Variants in SYT1 observed in about 807,000 individuals in gnomAD.
SYT1 encodes synaptotagmin-1.
Under a neutral mutation model 44.8 loss-of-function variants are expected in SYT1, and 8 were observed. The observed-to-expected ratio is 0.18, with a 90% confidence interval of 0.10 to 0.32. The LOEUF (loss-of-function observed/expected upper bound fraction) is 0.32, where lower values mean the gene tolerates loss of function less well. Ranked by LOEUF, SYT1 falls within the 10% of genes least tolerant of loss-of-function variation. The probability of loss-of-function intolerance (pLI) is 1.00; values close to 1 mark genes in which losing one functional copy is unlikely to be tolerated. For missense variants in SYT1, 286 were observed against 509.3 expected (o/e 0.56, Z 4.22); for synonymous variants, 154 against 188.8 (o/e 0.82, Z 1.51).
At chr12:79,092,723 T>G (rs1033097038) in intron 3 of SYT1, among the ~76,000 whole-genome samples, 1 of 151,738 alleles carries the variant, frequency 6.6e-6, no homozygotes. Context: ...CAGAAAACTA[T>G]ATTCAATGGT....
At chr12:78,990,054 A>G (rs1356293023) in intron 2 of SYT1, among the ~76,000 whole-genome samples, 3 of 152,130 alleles carry the variant, frequency 2.0e-5, no homozygotes, top group Admixed American at 2.0e-4. Context: ...ATTCACAGGA[A>G]AGTAGAAGAA....
chr12:79,062,921 C>T (rs889074521), intron 3 of SYT1, among the ~76,000 whole-genome samples: 1 of 152,112 alleles, frequency 6.6e-6, no homozygotes, highest in African/African-American at 2.4e-5. Context: ...AAACCATTTA[C>T]AGATAAAGAA....
In SYT1 at chr12:79,193,378, A is replaced by T. The variant is rs559416973; in HGVS notation, c.-17-24125A>T. Reference sequence around the variant, plus strand: ...ACTTAGAACTTAAACCATTACAAGGATTAGGATAGTAAATAATTAAGTGGG... The same window carrying T: ...ACTTAGAACTTAAACCATTACAAGGTTTAGGATAGTAAATAATTAAGTGGG... On this transcript the variant is annotated intron_variant, in intron 3 of 10. Transcript: ENST00000261205. 7.2e-5 allele frequency among the ~76,000 whole-genome samples: 11 copies of T among 152,294 alleles called. No individual in the cohort carries two copies. The East Asian group carries it at 1.9e-3, about 27-fold the overall frequency.
At chr12:79,403,362 AGCCC>A (rs1281642684) in intron 9 of SYT1, among the ~76,000 whole-genome samples, 3 of 152,162 alleles carry the variant, frequency 2.0e-5, no homozygotes, top group Non-Finnish European at 4.4e-5. Context: ...TTTGCAGAGT[AGCCC>A]AGTAGACTGG....
intron 2 of SYT1, among the ~76,000 whole-genome samples, chr12:79,044,430 G>T (rs1443763444): frequency 1.3e-5 from 2 of 151,120 alleles, no homozygotes; most frequent in East Asian, 3.9e-4. Context: ...GGCTCCTGAG[G>T]CTTCTGCATT....
intron 3 of SYT1, among the ~76,000 whole-genome samples, chr12:79,163,035 A>C (rs1871043875): frequency 6.6e-6 from 1 of 152,124 alleles, no homozygotes; most frequent in Admixed American, 6.6e-5. Flanking sequence ...CCATAATTAG[A>C]ATATTACATT....
chr12:78,983,780 G>C (rs1869439915), intron 2 of SYT1, among the ~76,000 whole-genome samples: 2 of 152,030 alleles, frequency 1.3e-5, no homozygotes, highest in Admixed American at 1.3e-4. Flanking sequence ...TTACTGCTAA[G>C]AAGAATAGCA....
intron 3 of SYT1, among the ~76,000 whole-genome samples, chr12:79,200,301 C>T (rs1873705530): frequency 6.6e-6 from 1 of 152,096 alleles, no homozygotes; most frequent in African/African-American, 2.4e-5. Flanking sequence ...CCCCAGCTGG[C>T]CCTTGATAGT....
chr12:78,981,991 G>A (rs942778559), intron 2 of SYT1, among the ~76,000 whole-genome samples: 1 of 152,100 alleles, frequency 6.6e-6, no homozygotes, highest in Admixed American at 6.6e-5. Context: ...AAAAAAGGAG[G>A]TATCTGTCTT....
chr12:79,360,752 C>T (rs1420101453), intron 9 of SYT1, among the ~76,000 whole-genome samples: 5 of 152,136 alleles, frequency 3.3e-5, no homozygotes, highest in Admixed American at 3.3e-4. Context: ...TGGGATACTT[C>T]AAAATGCTTA....
At chr12:79,440,807 A>G (rs955488648) in intron 9 of SYT1, among the ~76,000 whole-genome samples, 1 of 152,154 alleles carries the variant, frequency 6.6e-6, no homozygotes, top group African/African-American at 2.4e-5. Context: ...TTAAAGCACA[A>G]ATGTGACTCA....
chr12:79,416,925 G>A (rs953051756), intron 9 of SYT1, among the ~76,000 whole-genome samples: 1 of 152,122 alleles, frequency 6.6e-6, no homozygotes, highest in Non-Finnish European at 1.5e-5. Context: ...CTGAAGCCCT[G>A]TGTAGTCATA....
At chr12:79,014,121 CCAAAAAAAAAAAAAA>C (rs1338345400) in intron 2 of SYT1, among the ~76,000 whole-genome samples, 3 of 88,786 alleles carry the variant, frequency 3.4e-5, no homozygotes, top group African/African-American at 4.7e-5. Context: ...GAGACTCTCT[CCAAAAAAAAAAAAAA>C]AAGAAAAAAA....
intron 9 of SYT1, among the ~76,000 whole-genome samples, chr12:79,417,008 T>C (rs1868783078): frequency 1.3e-5 from 2 of 152,122 alleles, no homozygotes; most frequent in Non-Finnish European, 2.9e-5. Flanking sequence ...TCCTATAATA[T>C]CTAACAATGA....
rs1868325441 is a variant in SYT1, at chr12:78,969,515, C to T, written c.-216-8284C>T. On this transcript the variant is annotated intron_variant, in intron 1 of 10. Transcript: ENST00000261205. ...TGTGGCAAGAGCAGTTTGAGGAGGACAGAGAATGGTAGATAAGGCCAGCAG... is the reference window on the plus strand; with the variant it reads ...TGTGGCAAGAGCAGTTTGAGGAGGATAGAGAATGGTAGATAAGGCCAGCAG... Among the ~76,000 whole-genome samples, 6 of 152,158 alleles carry T rather than the reference C, an allele frequency of 3.9e-5. No individual in the cohort carries two copies. The South Asian group carries it at 1.2e-3, about 32-fold the overall frequency.
chr12:79,424,941 A>ATT, intron 9 of SYT1, among the ~76,000 whole-genome samples: 1 of 79,690 alleles, frequency 1.3e-5, no homozygotes, highest in East Asian at 3.8e-4. Flanking sequence ...TTTGCTTTTG[A>ATT]TTTTTCTTCT....
rs1422800728 is a variant in SYT1 at position 79,047,380 on chromosome 12, A to G, written c.-18+18A>G. The G allele has an allele frequency of 6.6e-6, 1 of 151,874 alleles. No homozygotes were observed. The highest frequency in any genetic ancestry group is 1.5e-5 in the Non-Finnish European group (1 of 67,774). 9.4% of individuals were successfully genotyped at this position (151,874 alleles called of 1,614,324 possible). ...ATAGAACAGTAAGTACTTTAATGAC[A>G]CAATGATGATAATAAATCTGTAAAA... On this transcript the variant is annotated intron_variant, in intron 3 of 10. Coordinates refer to ENST00000261205, the MANE Select transcript of SYT1 (RefSeq NM_005639.3).
At position 79,299,393 on chromosome 12, in the gene SYT1, T is replaced by C; in HGVS notation, c.652T>C (p.Ser218Pro). ...NEQFTFKVPY[S>P]ELGGKTLVMA... Reference sequence around the variant, plus strand: ...ATGTCTTTTAATTTAGGTACCATACTCGGAATTGGGTGGCAAAACCCTAGT... The same window carrying C: ...ATGTCTTTTAATTTAGGTACCATACCCGGAATTGGGTGGCAAAACCCTAGT... The change falls in exon 8 of 11, where the codon TCG becomes CCG. Residue 218 changes from serine to proline, a missense_variant. Physicochemically the swap from Ser to Pro is moderately conservative, Grantham distance 74. Coordinates refer to ENST00000261205, the MANE Select transcript of SYT1 (RefSeq NM_005639.3). The C allele has an allele frequency of 1.9e-6, 3 of 1,613,106 alleles. No individual in the cohort carries two copies. The highest frequency in any genetic ancestry group is 2.5e-6 in the Non-Finnish European group (3 of 1,179,408).
intron 4 of SYT1, among the ~76,000 whole-genome samples, chr12:79,229,771 T>A (rs2138612103): frequency 6.6e-6 from 1 of 152,064 alleles, no homozygotes; most frequent in East Asian, 1.9e-4. Flanking sequence ...TTTTTTGTAT[T>A]TTTAGTAGAG....
Sources: allele counts gnomAD v4.1 joint callset (sites outside exome capture counted in the v4.1 genomes callset), GRCh38; gene constraint gnomAD v4.1.1; transcripts MANE v1.5; gene names NCBI Gene and HGNC (gene_info 2026-07-23, HGNC 2026-07-21).